Variants in FBP1 observed in about 807,000 individuals in gnomAD.
The protein encoded by FBP1 is fructose-bisphosphatase 1.
FBP1 carries 22 observed loss-of-function variants against 29.9 expected under a neutral mutation model. The observed-to-expected ratio is 0.74, with a 90% CI of 0.53 to 1.05. The LOEUF (loss-of-function observed/expected upper bound fraction) is 1.05, where lower values mean the gene tolerates loss of function less well. FBP1 is among the 50% of genes least tolerant of loss of function. The pLI, the probability that FBP1 is intolerant of heterozygous loss-of-function variation, is 0.00. For missense variants in FBP1, 345 were observed against 448.2 expected (o/e 0.77, Z 2.08); for synonymous variants, 175 against 178.6 (o/e 0.98, Z 0.16).
intron 1 of FBP1, among the ~76,000 whole-genome samples, chr9:94,629,178 C>T (rs1233187499): frequency 6.6e-6 from 1 of 152,104 alleles, no homozygotes; most frequent in East Asian, 1.9e-4. Flanking sequence ...GACAGGGTCT[C>T]ACCATGTTGA....
intron 1 of FBP1, among the ~76,000 whole-genome samples, chr9:94,625,546 A>G (rs910566051): frequency 4.6e-5 from 7 of 152,006 alleles, no homozygotes; most frequent in Non-Finnish European, 8.8e-5. Context: ...CTGTAATCCC[A>G]GCACTTTGGG....
At chr9:94,618,831 G>A (rs1827901379) in intron 2 of FBP1, among the ~76,000 whole-genome samples, 1 of 152,106 alleles carries the variant, frequency 6.6e-6, no homozygotes, top group Non-Finnish European at 1.5e-5. Flanking sequence ...TATCACATTG[G>A]TAGCTTAAAA....
At chr9:94,605,816 G>A (rs983789820) in intron 5 of FBP1, among the ~76,000 whole-genome samples, 3 of 152,118 alleles carry the variant, frequency 2.0e-5, no homozygotes, top group Non-Finnish European at 2.9e-5. Flanking sequence ...CCCAACGAGG[G>A]TATGGTTGAT....
intron 6 of FBP1, chr9:94,603,988 C>G (rs1020186618): frequency 6.3e-6 from 2 of 315,308 alleles, no homozygotes; most frequent in African/African-American, 4.3e-5. Context: ...TGTCTGGCTA[C>G]AGACATCTGG....
chr9:94,612,008 T>C (rs1422143315), intron 3 of FBP1, among the ~76,000 whole-genome samples: 7 of 152,242 alleles, frequency 4.6e-5, no homozygotes, highest in Admixed American at 4.6e-4. Flanking sequence ...AGGTGGTTAG[T>C]TAGCTGGTTG....
intron 1 of FBP1, among the ~76,000 whole-genome samples, chr9:94,633,423 T>C (rs1319491313): frequency 6.6e-6 from 1 of 152,228 alleles, no homozygotes; most frequent in African/African-American, 2.4e-5. Flanking sequence ...TCCTTTTCTA[T>C]ACCCCCAAAA....
chr9:94,637,399 C>CTTT (rs202217364), intron 1 of FBP1, among the ~76,000 whole-genome samples: 7 of 142,872 alleles, frequency 4.9e-5, no homozygotes, highest in African/African-American at 1.6e-4. Flanking sequence ...CATCATGCGT[C>CTTT]TTTTTTTTTT....
chr9:94,617,537 T>G (rs1827881724), intron 3 of FBP1, among the ~76,000 whole-genome samples: 1 of 152,106 alleles, frequency 6.6e-6, no homozygotes, highest in Non-Finnish European at 1.5e-5. Context: ...GTAAAAAGAG[T>G]GAAATATCCT....
At chr9:94,629,333 G>A (rs567128728) in intron 1 of FBP1, among the ~76,000 whole-genome samples, 112 of 152,244 alleles carry the variant, frequency 7.4e-4, no homozygotes, top group Non-Finnish European at 1.4e-3. Flanking sequence ...AGTCCTGCTC[G>A]TGCCCTTCAC....
At position 94,603,725 on chromosome 9, in the gene FBP1, C is replaced by A. The variant is rs528927621; in HGVS notation, c.826-153G>T. On this transcript the variant is annotated intron_variant, in intron 6 of 6. Transcript: ENST00000375326. ...CCTGTGAGGCTGTAAAAGTTTCCTC[C>A]CACCCCAGGTTGCATCTGAGACAAA... is the stretch of plus-strand genomic sequence containing the variant. 12 of 735,104 alleles carry A rather than the reference C, an allele frequency of 1.6e-5. No individual in the cohort carries two copies. The African/African-American group carries it at 1.9e-4, about 12-fold the overall frequency. The allele number at this position is 735,104 out of a possible 1,614,324, so 45.5% of individuals were successfully genotyped here. A position where few individuals can be genotyped will look rare whatever the true frequency, so the allele number is the denominator to read the frequency against.
chr9:94,618,857 T>A (rs1205608671), intron 2 of FBP1, among the ~76,000 whole-genome samples: 1 of 151,870 alleles, frequency 6.6e-6, no homozygotes, highest in African/African-American at 2.4e-5. Context: ...GATGGGAGAG[T>A]ATTCACACCA....
At chr9:94,617,684 GC>G (rs1827883194) in intron 3 of FBP1, 83 bp downstream of exon 3, 3 of 868,776 alleles carry the variant, frequency 3.5e-6, no homozygotes, top group Non-Finnish European at 5.8e-6. Context: ...CTCCACTCCG[GC>G]TGCTCTGCCA....
intron 1 of FBP1, 60 bp downstream of exon 1, chr9:94,639,081 C>T: frequency 6.5e-6 from 10 of 1,529,284 alleles, no homozygotes; most frequent in Non-Finnish European, 8.8e-6. Flanking sequence ...CGTCAGCCCG[C>T]CGGGCAGGCT....
At chr9:94,633,346 CCTT>C (rs1445501399) in intron 1 of FBP1, among the ~76,000 whole-genome samples, 1 of 152,200 alleles carries the variant, frequency 6.6e-6, no homozygotes, top group Non-Finnish European at 1.5e-5. Flanking sequence ...TCCAGCCACA[CCTT>C]CTCCAGATTT....
In FBP1 at chr9:94,607,034, G is replaced by T. The variant is rs1440576425; in HGVS notation, c.568-82C>A. Reference sequence around the variant, plus strand: ...CCTGGATGAGGCGAGCGATGGGCTGGGCTACGCTGGGCTGGGGTCGCGGCG... The same window carrying T: ...CCTGGATGAGGCGAGCGATGGGCTGTGCTACGCTGGGCTGGGGTCGCGGCG... On this transcript the variant is annotated intron_variant, in intron 4 of 6. Coordinates refer to ENST00000375326, the MANE Select transcript of FBP1 (RefSeq NM_000507.4). 8.8e-6 allele frequency: 14 copies of T among 1,584,706 alleles called. No homozygotes were observed. The Admixed American group carries it at 2.2e-4, about 25-fold the overall frequency.
chr9:94,631,079 G>A (rs1828098607), intron 1 of FBP1, among the ~76,000 whole-genome samples: 1 of 152,088 alleles, frequency 6.6e-6, no homozygotes, highest in Admixed American at 6.5e-5. Context: ...AATCTCACTG[G>A]GAATATTATT....
intron 3 of FBP1, among the ~76,000 whole-genome samples, chr9:94,615,205 G>A (rs1827845896): frequency 6.6e-6 from 1 of 152,202 alleles, no homozygotes; most frequent in South Asian, 2.1e-4. Flanking sequence ...ACCGCACCAG[G>A]CCCCACTTTC....
chr9:94,631,736 A>G (rs1288505194), intron 1 of FBP1, among the ~76,000 whole-genome samples: 1 of 152,234 alleles, frequency 6.6e-6, no homozygotes, highest in Non-Finnish European at 1.5e-5. Context: ...ACGCAGCTCA[A>G]CCAAAAGGGA....
rs1243593825 is a variant in FBP1, at chr9:94,639,176, G to T, written c.135C>A (p.Ile45=). 6.2e-7 allele frequency: 1 copy of T among 1,605,904 alleles called. No individual in the cohort carries two copies. Among genetic ancestry groups the T allele is most frequent in the Non-Finnish European group, 8.5e-7 (1 of 1,176,488 alleles). ...TGCCCGCCTTGCGCACCGCCGAAGA[G>T]ATGGCTTTGACTGCTGTGCAGAGCG... ...LNSLCTAVKA[I]SSAVRKAGIA... The change falls in exon 1 of 7, where the codon ATC becomes ATA. Residue 45 remains isoleucine, a synonymous_variant. Transcript: ENST00000375326.
Sources: allele counts gnomAD v4.1 joint callset (sites outside exome capture counted in the v4.1 genomes callset), GRCh38; gene constraint gnomAD v4.1.1; transcripts MANE v1.5; gene names NCBI Gene and HGNC (gene_info 2026-07-23, HGNC 2026-07-21).